Variants in RPL10A observed in about 807,000 individuals in gnomAD.
The protein encoded by RPL10A is large ribosomal subunit protein uL1.
RPL10A carries 11 observed loss-of-function variants against 24.6 expected under a neutral mutation model. The observed-to-expected ratio is 0.45, with a 90% CI of 0.28 to 0.74. The LOEUF (loss-of-function observed/expected upper bound fraction) is 0.74, where lower values mean the gene tolerates loss of function less well. Ranked by LOEUF, RPL10A falls within the 30% of genes least tolerant of loss-of-function variation. The pLI is 0.13. For missense variants in RPL10A, 136 were observed against 273.1 expected (o/e 0.50, Z 3.54); for synonymous variants, 98 against 108.5 (o/e 0.90, Z 0.60).
chr6:35,469,354 C>T, intron 3 of RPL10A, 27 bp from the exon 4 acceptor site: 2 of 1,579,926 alleles, frequency 1.3e-6, no homozygotes, highest in Non-Finnish European at 1.7e-6. Flanking sequence ...TAGGCGTAAC[C>T]TGTTGGTGCT....
intron 1 of RPL10A, 59 bp downstream of exon 1, chr6:35,468,498 G>C: frequency 6.2e-7 from 1 of 1,611,396 alleles, no homozygotes; most frequent in South Asian, 1.1e-5. Flanking sequence ...GCCCCGCCGA[G>C]GGTTCGGATC....
Position 35,469,041 on chromosome 6 carries a change from T to C in RPL10A, c.161+14T>C, listed in dbSNP as rs1767957475. On this transcript the variant is annotated intron_variant, in intron 3 of 5. Coordinates refer to ENST00000322203, the MANE Select transcript of RPL10A (RefSeq NM_007104.5). ...GGGCACCGTCAGGTTGGCACCGTTCTGATCCCACCCAGCCCTCAGTGCCCC... is the reference window on the plus strand; with the variant it reads ...GGGCACCGTCAGGTTGGCACCGTTCCGATCCCACCCAGCCCTCAGTGCCCC... 1 of 1,611,516 alleles carries C rather than the reference T, an allele frequency of 6.2e-7. No homozygotes were observed. The highest frequency in any genetic ancestry group is 1.3e-5 in the African/African-American group (1 of 74,874).
Position 35,469,174 on chromosome 6 carries a change from G to A in RPL10A, c.161+147G>A, listed in dbSNP as rs896248320. 1.5e-4 allele frequency: 222 copies of A among 1,470,256 alleles called. 1 individual carries two copies. The highest frequency in any genetic ancestry group is 3.4e-4 in the Admixed American group (13 of 38,130). 91.1% of individuals were successfully genotyped at this position (1,470,256 alleles called of 1,614,324 possible). A position where few individuals can be genotyped will look rare whatever the true frequency, so the allele number is the denominator to read the frequency against. On this transcript the variant is annotated intron_variant, in intron 3 of 5. Coordinates refer to ENST00000322203, the MANE Select transcript of RPL10A (RefSeq NM_007104.5). ...CTGCTCCGGGCAGGCGCGGCTGGAC[G>A]GACCCCCACCCTGGGTCTTAAAACA...
chr6:35,469,209 G>A (rs1756440184), intron 3 of RPL10A, 172 bp from the exon 4 acceptor site: 3 of 1,470,192 alleles, frequency 2.0e-6, no homozygotes, highest in Admixed American at 5.4e-5. Flanking sequence ...ATGAGGGGAG[G>A]CGTGGGTAGG....
chr6:35,469,410 C>T lies in RPL10A; in HGVS notation c.191C>T (p.Ser64Phe). 2.5e-6 allele frequency: 4 copies of T among 1,611,908 alleles called. No individual in the cohort carries two copies. Among genetic ancestry groups the T allele is most frequent in the Non-Finnish European group, 3.4e-6 (4 of 1,179,650 alleles). Residue 64 changes from serine (S) to phenylalanine (F), a missense_variant, in exon 4 of 6, where the codon TCT (serine) becomes TTT (phenylalanine). By Grantham distance (155) the Ser-to-Phe change is radical. This residue lies in a region of RPL10A where 88 missense variants were observed against 149.2 expected (regional missense o/e 0.59). Coordinates refer to ENST00000322203, the MANE Select transcript of RPL10A (RefSeq NM_007104.5). ...RLKSTPRPKF[S>F]VCVLGDQQHC... ...AAGTCCACTCCCCGCCCTAAGTTCT[C>T]TGTGTGTGTCCTGGGGGACCAGCAG...
chr6:35,470,702 G>T lies in RPL10A; in HGVS notation c.606G>T (p.Arg202=). 1 of 1,607,958 alleles carries T rather than the reference G, an allele frequency of 6.2e-7. No homozygotes were observed. The highest frequency in any genetic ancestry group is 1.1e-5 in the South Asian group (1 of 91,076). The change falls in exon 6 of 6, where the codon CGG becomes CGT. Residue 202 remains arginine (R), a synonymous_variant. Transcript: ENST00000322203. The surrounding 1 kb of genome is among the most constrained non-coding windows in gnomAD (Gnocchi z 4.6). ...TCAAGAAAAACTGGCAGAATGTCCGGGCCTTATATATCAAGAGCACCATGG... is the reference window on the plus strand; with the variant it reads ...TCAAGAAAAACTGGCAGAATGTCCGTGCCTTATATATCAAGAGCACCATGG... The part of the protein sequence containing the change: ...SLLKKNWQNV[R]ALYIKSTMGK...
In RPL10A at chr6:35,469,454, G is replaced by A. The variant is rs745864530; in HGVS notation, c.235G>A (p.Ala79Thr). 6.2e-7 allele frequency: 1 copy of A among 1,613,718 alleles called. No individual in the cohort carries two copies. The highest frequency in any genetic ancestry group is 8.5e-7 in the Non-Finnish European group (1 of 1,179,946). Residue 79 changes from alanine (A) to threonine (T), a missense_variant, in exon 4 of 6, where the codon GCC becomes ACC. This residue lies in a region of RPL10A where 88 missense variants were observed against 149.2 expected (regional missense o/e 0.59). Transcript: ENST00000322203. Reference protein sequence around the residue: ...GDQQHCDEAKAVDIPHMDIEA... With the variant: ...GDQQHCDEAKTVDIPHMDIEA... The stretch of plus-strand genomic sequence containing the variant: ...CCAGCAGCACTGTGACGAGGCTAAG[G>A]CCGTGGATATCCCCCACATGGACAT...
intron 1 of RPL10A, 107 bp from the exon 2 acceptor site, chr6:35,468,692 C>T: frequency 6.5e-7 from 1 of 1,527,836 alleles, no homozygotes; most frequent in Non-Finnish European, 8.8e-7. Flanking sequence ...CGGGGGAGTC[C>T]GCCGTGGGCC....
At chr6:35,469,051 C>T (rs764094129) in intron 3 of RPL10A, 24 bp downstream of exon 3, 1 of 1,610,752 alleles carries the variant, frequency 6.2e-7, no homozygotes. Context: ...TGATCCCACC[C>T]AGCCCTCAGT....
Position 35,469,377 on chromosome 6 carries a change from G to A in RPL10A, c.162-4G>A. 2 of 1,597,878 alleles carry A rather than the reference G, an allele frequency of 1.3e-6. No individual in the cohort carries two copies. Among genetic ancestry groups the A allele is most frequent in the Non-Finnish European group, 1.7e-6 (2 of 1,174,714 alleles). ...ACCTGTTGGTGCTGTCCCCCAAAAC[G>A]CAGGCTTAAGTCCACTCCCCGCCCT... is the stretch of plus-strand genomic sequence containing the variant. On this transcript the variant is annotated splice_polypyrimidine_tract_variant and splice_region_variant and intron_variant, in intron 3 of 5. Coordinates refer to ENST00000322203, the MANE Select transcript of RPL10A (RefSeq NM_007104.5).
At chr6:35,468,726 C>T (rs1767922762) in intron 1 of RPL10A, 73 bp from the exon 2 acceptor site, 2 of 1,547,216 alleles carry the variant, frequency 1.3e-6, no homozygotes, top group South Asian at 1.2e-5. Flanking sequence ...GAAGCCTAGA[C>T]CTCGGAGGCT....
intron 1 of RPL10A, 48 bp from the exon 2 acceptor site, chr6:35,468,751 G>A (rs898263344): frequency 6.4e-7 from 1 of 1,554,572 alleles, no homozygotes; most frequent in South Asian, 1.2e-5. Context: ...GGCAGTCCGA[G>A]CGTGTGGACT....
rs569432895 is a variant in RPL10A, at chr6:35,468,988, A to G, written c.122A>G (p.Tyr41Cys). ...GAGTTGCAGATCAGCTTGAAGAACTATGATCCCCAGAAGGACAAGCGCTTC... is the reference window on the plus strand; with the variant it reads ...GAGTTGCAGATCAGCTTGAAGAACTGTGATCCCCAGAAGGACAAGCGCTTC... ...TVELQISLKN[Y>C]DPQKDKRFSG... The change falls in exon 3 of 6, where the codon TAT becomes TGT. Residue 41 changes from tyrosine to cysteine, a missense_variant. Around this residue, in one of 3 missense-constraint regions of RPL10A, gnomAD observed 88 missense variants for 149.2 expected, o/e 0.59. Coordinates refer to ENST00000322203, the MANE Select transcript of RPL10A (RefSeq NM_007104.5). 8 of 1,613,528 alleles carry G rather than the reference A, an allele frequency of 5.0e-6. No homozygotes were observed. The highest frequency in any genetic ancestry group is 1.7e-5 in the Admixed American group (1 of 60,022).
chr6:35,469,273 G>A, intron 3 of RPL10A, 108 bp from the exon 4 acceptor site: 3 of 1,507,588 alleles, frequency 2.0e-6, no homozygotes, highest in South Asian at 1.4e-5. Flanking sequence ...GCTGGTGAAT[G>A]TGAACGCTCC....
chr6:35,468,599 C>T, intron 1 of RPL10A, 160 bp downstream of exon 1: 2 of 1,552,454 alleles, frequency 1.3e-6, no homozygotes, highest in Non-Finnish European at 1.7e-6. Context: ...CCTACCAGGT[C>T]CGATCACTGA....
chr6:35,469,091 TC>T, intron 3 of RPL10A, 64 bp downstream of exon 3: 1 of 1,595,904 alleles, frequency 6.3e-7, no homozygotes, highest in South Asian at 1.1e-5. Context: ...CCCTGCAGGC[TC>T]CCGCTGAGCC....
chr6:35,468,413 G>A lies in RPL10A; in HGVS notation c.-22G>A. 1 of 1,614,052 alleles carries A rather than the reference G, an allele frequency of 6.2e-7. No homozygotes were observed. The highest frequency in any genetic ancestry group is 8.5e-7 in the Non-Finnish European group (1 of 1,179,938). ...CGCAAGACATGCTAGTCTCTTTTCC[G>A]GTTAGCGCGGCGTGAGAAGCCATGA... On this transcript the variant is annotated 5_prime_UTR_variant, in exon 1 of 6. Transcript: ENST00000322203.
At chr6:35,469,296 G>T in intron 3 of RPL10A, 85 bp from the exon 4 acceptor site, 3 of 1,511,462 alleles carry the variant, frequency 2.0e-6, no homozygotes, top group Non-Finnish European at 2.6e-6. Flanking sequence ...GTAAGGCTCG[G>T]TGGCTGCTGC....
rs570109605 is a variant in RPL10A at position 35,468,421 on chromosome 6, C to T, written c.-14C>T. The T allele has an allele frequency of 6.2e-7, 1 of 1,614,058 alleles. No homozygotes were observed. Reference sequence around the variant, plus strand: ...ATGCTAGTCTCTTTTCCGGTTAGCGCGGCGTGAGAAGCCATGAGGTGAGTT... The same window carrying T: ...ATGCTAGTCTCTTTTCCGGTTAGCGTGGCGTGAGAAGCCATGAGGTGAGTT... On this transcript the variant is annotated 5_prime_UTR_variant, in exon 1 of 6. Coordinates refer to ENST00000322203, the MANE Select transcript of RPL10A (RefSeq NM_007104.5).
Sources: allele counts gnomAD v4.1 joint callset, GRCh38; gene constraint gnomAD v4.1.1; regional missense constraint gnomAD v4.1.1; non-coding constraint Gnocchi (gnomAD v3.1); transcripts MANE v1.5; gene names NCBI Gene and HGNC (gene_info 2026-07-23, HGNC 2026-07-21).